The following ACADL variants were observed in gnomAD, a reference collection of about 807,000 sequenced individuals.
ACADL encodes the protein acyl-CoA dehydrogenase long chain, also known as long-chain specific acyl-CoA dehydrogenase, mitochondrial.
ACADL carries 60 observed loss-of-function variants against 56.9 expected under a neutral mutation model. The observed-to-expected ratio is 1.05, with a 90% CI of 0.86 to 1.31. ACADL has a LOEUF of 1.31. ACADL is among the 50% of genes most tolerant of loss of function. ACADL has a pLI of 0.00. For synonymous variants in ACADL, 158 were observed against 179.7 expected, an observed-to-expected ratio of 0.88 and a Z score of 0.97; for missense variants, 484 against 525.5, an observed-to-expected ratio of 0.92 and a Z score of 0.77.
intron 4 of ACADL, among the ~76,000 whole-genome samples, chr2:210,212,643 A>G (rs1689005349): frequency 6.6e-6 from 1 of 152,260 alleles, no homozygotes; most frequent in Admixed American, 6.5e-5. Flanking sequence ...ATACTCTCTT[A>G]GAGCCATTTA....
chr2:210,198,424 A>AT (rs1311361260), intron 8 of ACADL, among the ~76,000 whole-genome samples: 2 of 152,096 alleles, frequency 1.3e-5, no homozygotes, highest in Admixed American at 6.6e-5. Flanking sequence ...AAGAAGTATT[A>AT]TTTTTTTCCT....
chr2:210,213,078 A>T (rs975089821), intron 4 of ACADL, among the ~76,000 whole-genome samples: 4 of 152,244 alleles, frequency 2.6e-5, no homozygotes, highest in African/African-American at 9.6e-5. Context: ...GGGTGCCTAT[A>T]TGACCGACCT....
At chr2:210,209,946 T>C (rs961580741) in intron 5 of ACADL, 1 of 408,882 alleles carries the variant, frequency 2.4e-6, no homozygotes, top group Non-Finnish European at 4.4e-6. Context: ...TCTGGTTTAA[T>C]AAGGGCTGTT....
intron 6 of ACADL, 104 bp downstream of exon 6, chr2:210,205,528 C>A: frequency 2.6e-6 from 3 of 1,134,722 alleles, no homozygotes; most frequent in Non-Finnish European, 3.9e-6. Context: ...AGGAATTCAG[C>A]ATAGGAAATA....
At chr2:210,210,153 A>G (rs374168844) in intron 5 of ACADL, 43 bp downstream of exon 5, 3 of 1,407,082 alleles carry the variant, frequency 2.1e-6, no homozygotes, top group Non-Finnish European at 3.0e-6. Flanking sequence ...TACCCATGGC[A>G]TGACTCTGAA....
chr2:210,224,651 G>A (rs1004503523), intron 1 of ACADL: 6 of 985,690 alleles, frequency 6.1e-6, no homozygotes, highest in Non-Finnish European at 7.2e-6. Context: ...ACCCTCGCCA[G>A]GTCATTTCTA....
intron 4 of ACADL, among the ~76,000 whole-genome samples, chr2:210,210,810 G>A (rs1238704997): frequency 6.6e-6 from 1 of 152,124 alleles, no homozygotes; most frequent in East Asian, 1.9e-4. Flanking sequence ...GTTGGGTGTG[G>A]TGGCACACGC....
At chr2:210,195,143 C>T in intron 9 of ACADL, 68 bp downstream of exon 9, 1 of 1,601,010 alleles carries the variant, frequency 6.2e-7, no homozygotes, top group South Asian at 1.1e-5. Context: ...CAAGGCTGAG[C>T]TTAAAATTGG....
At chr2:210,218,648 A>G (rs891228902) in intron 2 of ACADL, 2 of 154,818 alleles carry the variant, frequency 1.3e-5, no homozygotes, top group Non-Finnish European at 2.9e-5. Context: ...TGGACTTGAA[A>G]ATTATACCCA....
intron 5 of ACADL, among the ~76,000 whole-genome samples, chr2:210,207,466 T>C (rs1485800571): frequency 6.6e-6 from 1 of 152,112 alleles, no homozygotes; most frequent in Non-Finnish European, 1.5e-5. Flanking sequence ...TCCTGACCTA[T>C]GAGTCTTTGA....
rs1208026070 is a variant in ACADL at position 210,188,721 on chromosome 2, C to T, written c.*240G>A. ...AACACCTAGGCAAGATTCAGAAAAC[C>T]GTTTACCTTTGGCTACATAAAAAAC... On this transcript the variant is annotated 3_prime_UTR_variant, in exon 11 of 11. Transcript: ENST00000233710. The T allele has an allele frequency of 2.5e-6, 1 of 400,370 alleles. No homozygotes were observed. Among genetic ancestry groups the T allele is most frequent in the South Asian group, 3.1e-5 (1 of 32,258 alleles). 24.8% of individuals were successfully genotyped at this position (400,370 alleles called of 1,614,324 possible).
At chr2:210,190,138 T>C (rs945419118) in intron 10 of ACADL, among the ~76,000 whole-genome samples, 2 of 152,136 alleles carry the variant, frequency 1.3e-5, no homozygotes, top group African/African-American at 4.8e-5. Flanking sequence ...TTTGGACTTA[T>C]TCTTCTCCAT....
rs1385253126 is a variant in ACADL at position 210,225,188 on chromosome 2, G to A, written c.76C>T (p.Arg26Ter). 4 of 1,532,754 alleles carry A rather than the reference G, an allele frequency of 2.6e-6. No individual in the cohort carries two copies. Among genetic ancestry groups the A allele is most frequent in the East Asian group, 2.5e-5 (1 of 40,504 alleles). The allele number at this position is 1,532,754 out of a possible 1,614,324, so 94.9% of individuals were successfully genotyped here. The change falls in exon 1 of 11, where the codon CGA becomes TGA. Residue 26 changes from arginine to a stop codon, truncating the protein, a stop_gained and splice_region_variant. Transcript: ENST00000233710. LOFTEE classifies it high-confidence loss of function. ...HRAPRQLPAA[R>*]CSHSGGEERL... ...GCGGAAGTCCCGGCTGGCACTCACC[G>A]CGCGGCGGGCAGCTGGCGCGGCGCA...
chr2:210,221,180 T>C (rs768562073), intron 1 of ACADL, among the ~76,000 whole-genome samples: 4 of 152,324 alleles, frequency 2.6e-5, no homozygotes, highest in East Asian at 1.9e-4. Context: ...TTTCATATCA[T>C]ATACAATGTT....
At chr2:210,193,258 C>A (rs1206218353) in intron 9 of ACADL, among the ~76,000 whole-genome samples, 2 of 152,060 alleles carry the variant, frequency 1.3e-5, no homozygotes, top group Non-Finnish European at 2.9e-5. Flanking sequence ...ACTCAGCCAC[C>A]TAGTTCTTTT....
chr2:210,206,448 A>C (rs887620100), intron 5 of ACADL, among the ~76,000 whole-genome samples: 7 of 152,128 alleles, frequency 4.6e-5, no homozygotes, highest in African/African-American at 1.7e-4. Context: ...AAAGAAAAGA[A>C]AATAAAAGAA....
chr2:210,206,674 C>T (rs1044129637), intron 5 of ACADL, among the ~76,000 whole-genome samples: 3 of 152,078 alleles, frequency 2.0e-5, no homozygotes, highest in East Asian at 3.9e-4. Flanking sequence ...ATACTCAGAG[C>T]AAATATTAAT....
chr2:210,216,923 G>GA (rs1338761107), intron 3 of ACADL, among the ~76,000 whole-genome samples: 4 of 150,612 alleles, frequency 2.7e-5, no homozygotes, highest in East Asian at 1.9e-4. Context: ...TAGAAAAAAA[G>GA]AAAAAAAAGG....
At chr2:210,220,126 C>CT (rs1395579961) in intron 2 of ACADL, among the ~76,000 whole-genome samples, 9 of 152,102 alleles carry the variant, frequency 5.9e-5, no homozygotes, top group Non-Finnish European at 1.3e-4. Flanking sequence ...ATATTTTCAA[C>CT]TTGTAACCCC....
Sources: gnomAD v4.1 joint callset for allele counts (sites outside exome capture counted in the v4.1 genomes callset) on GRCh38, gnomAD v4.1.1 for gene constraint, MANE v1.5 for transcripts, NCBI Gene and HGNC (gene_info 2026-07-23, HGNC 2026-07-21) for gene names.